Variants in ZNF431 observed in about 807,000 individuals in gnomAD.
The protein encoded by ZNF431 is zinc finger protein 431.
In ZNF431, 34 loss-of-function variants were observed where a neutral mutation model predicts 57.0. That is an observed-to-expected ratio of 0.60 (90% CI 0.45 to 0.79). The LOEUF (loss-of-function observed/expected upper bound fraction) is 0.79, where lower values mean the gene tolerates loss of function less well. ZNF431 is among the 30% of genes least tolerant of loss of function. The probability of loss-of-function intolerance (pLI) is 0.00; values close to 1 mark genes in which losing one functional copy is unlikely to be tolerated. For missense variants in ZNF431, 607 were observed against 667.1 expected (o/e 0.91, Z 0.99); for synonymous variants, 207 against 220.3 (o/e 0.94, Z 0.54).
intron 4 of ZNF431, among the ~76,000 whole-genome samples, chr19:21,168,442 C>A (rs1180738763): frequency 6.6e-6 from 1 of 152,006 alleles, no homozygotes; most frequent in Non-Finnish European, 1.5e-5. Flanking sequence ...TCTTGGCTCA[C>A]TGCAACCTCC....
intron 2 of ZNF431, among the ~76,000 whole-genome samples, chr19:21,162,977 G>A (rs1028764654): frequency 6.6e-6 from 1 of 151,778 alleles, no homozygotes; most frequent in Non-Finnish European, 1.5e-5. Flanking sequence ...TCTATATTTA[G>A]CTTTTATTCT....
rs753279129 is a variant in ZNF431 at position 21,166,433 on chromosome 19, A to T, written c.195A>T (p.Leu65Phe). ...AQQNLYMNVM[L>F]ENYKNLVFLG... ...AGAATTTATATATGAATGTGATGTT[A>T]GAAAACTACAAAAACCTGGTCTTCT... is the stretch of plus-strand genomic sequence containing the variant. The change falls in exon 3 of 5, where the codon TTA becomes TTT. Residue 65 changes from leucine to phenylalanine, a missense_variant. Coordinates refer to ENST00000311048, the MANE Select transcript of ZNF431 (RefSeq NM_133473.4). The T allele has an allele frequency of 1.1e-5, 17 of 1,610,620 alleles. No individual in the cohort carries two copies. Among genetic ancestry groups the T allele is most frequent in the Non-Finnish European group, 1.7e-6 (2 of 1,179,286 alleles).
chr19:21,171,472 T>G (rs1224453607), intron 4 of ZNF431, among the ~76,000 whole-genome samples: 1 of 152,002 alleles, frequency 6.6e-6, no homozygotes, highest in Non-Finnish European at 1.5e-5. Context: ...TTTGTATACT[T>G]TAAGTCAATG....
intron 4 of ZNF431, among the ~76,000 whole-genome samples, chr19:21,173,326 TA>T (rs1353162422): frequency 3.9e-5 from 6 of 152,204 alleles, no homozygotes; most frequent in African/African-American, 1.4e-4. Context: ...CTGTATTTGA[TA>T]ATTCCATTGT....
intron 4 of ZNF431, among the ~76,000 whole-genome samples, chr19:21,177,004 A>G (rs1267878605): frequency 6.6e-6 from 1 of 152,056 alleles, no homozygotes. Flanking sequence ...GGTGATAATT[A>G]CTTTTGCTGT....
intron 2 of ZNF431, among the ~76,000 whole-genome samples, chr19:21,159,254 G>A (rs942457852): frequency 1.3e-5 from 2 of 152,074 alleles, no homozygotes; most frequent in Admixed American, 6.5e-5. Context: ...TGTTCATCAA[G>A]GATATTGGAC....
rs529552720 is a variant in ZNF431 at position 21,185,932 on chromosome 19, G to A, written c.*1898G>A. The A allele has an allele frequency of 9.2e-5, 14 of 151,666 alleles. No individual in the cohort carries two copies. The highest frequency in any genetic ancestry group is 1.3e-4 in the Admixed American group (2 of 15,228). The allele number at this position is 151,666 out of a possible 1,614,324, so 9.4% of individuals were successfully genotyped here. A position where few individuals can be genotyped will look rare whatever the true frequency, so the allele number is the denominator to read the frequency against. On this transcript the variant is annotated 3_prime_UTR_variant, in exon 5 of 5. Transcript: ENST00000311048. ...TATTTACCACAGTGTTATTTTTATC[G>A]TCATAATAAAAATTATATACGAGTA...
Position 21,167,659 on chromosome 19 carries a change from AC to A in ZNF431, c.317del (p.Pro106GlnfsTer17). The A allele has an allele frequency of 1.9e-6, 3 of 1,566,150 alleles. No homozygotes were observed. The highest frequency in any genetic ancestry group is 1.2e-5 in the South Asian group (1 of 85,788). On this transcript the variant is annotated frameshift_variant, in exon 4 of 5. Coordinates refer to ENST00000311048, the MANE Select transcript of ZNF431 (RefSeq NM_133473.4). LOFTEE classifies it high-confidence loss of function. Reference sequence around the variant, plus strand: ...TGAAGAGACATGAGATGGTGGATGAACCCCCAGGTAGGTGAGAGTGAAAAAA... The same window carrying A: ...TGAAGAGACATGAGATGGTGGATGAACCCCAGGTAGGTGAGAGTGAAAAAA... ...NMKRHEMVDE[P>X]PAMCSYFTKD...
intron 2 of ZNF431, among the ~76,000 whole-genome samples, chr19:21,166,073 T>C (rs1238426085): frequency 2.6e-5 from 4 of 152,224 alleles, no homozygotes; most frequent in Admixed American, 2.0e-4. Context: ...TGTTTGTGTT[T>C]GTGTCCTTAA....
intron 2 of ZNF431, among the ~76,000 whole-genome samples, chr19:21,157,531 C>T (rs1162704587): frequency 1.3e-5 from 2 of 151,518 alleles, no homozygotes; most frequent in African/African-American, 4.9e-5. Context: ...TGTTTTTTGC[C>T]TACTTTTTTT....
At chr19:21,157,491 G>T (rs1240345117) in intron 2 of ZNF431, among the ~76,000 whole-genome samples, 1 of 151,902 alleles carries the variant, frequency 6.6e-6, no homozygotes, top group African/African-American at 2.4e-5. Context: ...TGTTAGCCAC[G>T]TTTGTCTTCT....
Position 21,190,009 on chromosome 19 carries a change from CAAAA to C in ZNF431, c.*5978_*5981del. The stretch of plus-strand genomic sequence containing the variant: ...AAATACAAAAACAACAAAACAAAAA[CAAAA>C]AACACCTCAGCTGGGTGTGGTGGTG... On this transcript the variant is annotated 3_prime_UTR_variant, in exon 5 of 5. Transcript: ENST00000311048. 2 of 390,454 alleles carry C rather than the reference CAAAA, an allele frequency of 5.1e-6. No individual in the cohort carries two copies. Among genetic ancestry groups the C allele is most frequent in the Non-Finnish European group, 9.0e-6 (2 of 221,378 alleles). The allele number at this position is 390,454 out of a possible 1,614,324, so 24.2% of individuals were successfully genotyped here. A position where few individuals can be genotyped will look rare whatever the true frequency, so the allele number is the denominator to read the frequency against.
intron 4 of ZNF431, among the ~76,000 whole-genome samples, chr19:21,179,523 A>G (rs1191494167): frequency 1.3e-5 from 2 of 148,656 alleles, no homozygotes; most frequent in Admixed American, 6.7e-5. Flanking sequence ...CCCTGTTAAC[A>G]CTGCTTTAGC....
intron 2 of ZNF431, among the ~76,000 whole-genome samples, chr19:21,148,543 GT>G (rs1381178866): frequency 2.0e-5 from 3 of 152,120 alleles, no homozygotes; most frequent in African/African-American, 7.2e-5. Flanking sequence ...TCCACAATTT[GT>G]TTAAACCTTC....
rs1971462364 is a variant in ZNF431, at chr19:21,189,536, C to G, written c.*5502C>G. On this transcript the variant is annotated 3_prime_UTR_variant, in exon 5 of 5. Transcript: ENST00000311048. ...ATTTTTGTTTTGAGACCACATGACA[C>G]TGTCATCATTTTTCAAAAATCCAAA... 5.6e-6 allele frequency: 1 copy of G among 177,828 alleles called. No homozygotes were observed. Among genetic ancestry groups the G allele is most frequent in the South Asian group, 2.0e-4 (1 of 5,020 alleles). 11.0% of individuals were successfully genotyped at this position (177,828 alleles called of 1,614,324 possible). A position where few individuals can be genotyped will look rare whatever the true frequency, so the allele number is the denominator to read the frequency against.
intron 4 of ZNF431, among the ~76,000 whole-genome samples, chr19:21,174,945 A>G (rs867288147): frequency 6.6e-6 from 1 of 152,048 alleles, no homozygotes; most frequent in African/African-American, 2.4e-5. Flanking sequence ...TATTTTTAGT[A>G]GAGACGGGGT....
intron 4 of ZNF431, among the ~76,000 whole-genome samples, chr19:21,182,004 A>G (rs1173972585): frequency 6.6e-6 from 1 of 152,166 alleles, no homozygotes; most frequent in African/African-American, 2.4e-5. Context: ...TGTCTTGTCT[A>G]AAATTTTGTG....
At position 21,195,502 on chromosome 19, in the gene ZNF431, CATT is replaced by C. The variant is rs1971590434; in HGVS notation, c.*11470_*11472del. On this transcript the variant is annotated 3_prime_UTR_variant, in exon 5 of 5. Coordinates refer to ENST00000311048, the MANE Select transcript of ZNF431 (RefSeq NM_133473.4). ...AATAGTTGGGCTTTGGCTAATTCCT[CATT>C]AGCAATAGAATTATGTATATTTTGC... 1 of 152,194 alleles carries C rather than the reference CATT, an allele frequency of 6.6e-6. No individual in the cohort carries two copies. 9.4% of individuals were successfully genotyped at this position (152,194 alleles called of 1,614,324 possible). A position where few individuals can be genotyped will look rare whatever the true frequency, so the allele number is the denominator to read the frequency against.
intron 4 of ZNF431, 36 bp from the exon 5 acceptor site, chr19:21,182,587 G>T (rs774935250): frequency 1.1e-5 from 17 of 1,549,424 alleles, no homozygotes; most frequent in Admixed American, 1.0e-4. Flanking sequence ...TCAGAGTCTA[G>T]TAAGTTGAAT....
Sources: gnomAD v4.1 joint callset for allele counts (sites outside exome capture counted in the v4.1 genomes callset) on GRCh38, gnomAD v4.1.1 for gene constraint, MANE v1.5 for transcripts, NCBI Gene and HGNC (gene_info 2026-07-23, HGNC 2026-07-21) for gene names.